STK24: variants seen among roughly 807,000 people sequenced by gnomAD.
The protein encoded by STK24 is serine/threonine kinase 24, also known as serine/threonine-protein kinase 24.
A neutral mutation model predicts 55.6 loss-of-function variants in STK24; 21 were observed. The observed-to-expected ratio is 0.38, with a 90% CI of 0.27 to 0.54. The LOEUF is 0.54. Ranked by LOEUF, STK24 falls within the 20% of genes least tolerant of loss-of-function variation. STK24 has a pLI of 0.79. For synonymous variants in STK24, 200 were observed against 215.2 expected (o/e 0.93, Z 0.62); for missense variants, 383 against 538.4 (o/e 0.71, Z 2.86).
chr13:98,538,147 C>T (rs892314895), intron 1 of STK24, among the ~76,000 whole-genome samples: 7 of 151,708 alleles, frequency 4.6e-5, no homozygotes, highest in African/African-American at 1.7e-4. Flanking sequence ...TTCCCAAGAA[C>T]CATGCTAAGC....
intron 1 of STK24, among the ~76,000 whole-genome samples, chr13:98,548,878 A>C (rs1340880243): frequency 1.3e-5 from 2 of 151,340 alleles, no homozygotes; most frequent in East Asian, 3.9e-4. Context: ...AAAAAAAAAA[A>C]AAAAAAAATA....
chr13:98,576,707 G>A (rs1294590256), intron 1 of STK24, 38 bp downstream of exon 1: 5 of 1,451,406 alleles, frequency 3.4e-6, no homozygotes, highest in Admixed American at 2.4e-5. Flanking sequence ...CTTCCGCCCC[G>A]GTCGCGCATC....
Position 98,446,335 on chromosome 13 carries a change from G to A in STK24, c.*6838C>T. On this transcript the variant is annotated 3_prime_UTR_variant, in exon 11 of 11. Coordinates refer to ENST00000539966, the MANE Select transcript of STK24 (RefSeq NM_001032296.4). ...GTGTCACGGGGATGACAGGGATGCT[G>A]GCGGGGGGCCCTGTCCACCCGAGGC... is the stretch of plus-strand genomic sequence containing the variant. The A allele has an allele frequency of 1.5e-6, 1 of 648,368 alleles. No homozygotes were observed. 40.2% of individuals were successfully genotyped at this position (648,368 alleles called of 1,614,324 possible).
intron 1 of STK24, among the ~76,000 whole-genome samples, chr13:98,550,037 C>T (rs1401972282): frequency 6.6e-6 from 1 of 152,174 alleles, no homozygotes; most frequent in African/African-American, 2.4e-5. Flanking sequence ...ACAGGTGGGT[C>T]GTCTGCAGCA....
At chr13:98,474,748 C>G in intron 5 of STK24, 73 bp downstream of exon 5, 1 of 1,513,842 alleles carries the variant, frequency 6.6e-7, no homozygotes, top group Non-Finnish European at 8.8e-7. Flanking sequence ...AGAAAAGCTA[C>G]CAGGCTAAAG....
chr13:98,537,779 G>A (rs74542643), intron 1 of STK24, among the ~76,000 whole-genome samples: 3,928 of 152,170 alleles, frequency 0.026, 69 homozygotes, highest in South Asian at 0.081. Context: ...TGCCTGAATC[G>A]AATCCCCAGC....
chr13:98,521,674 C>T (rs566090746), intron 1 of STK24: 2 of 692,338 alleles, frequency 2.9e-6, no homozygotes, highest in African/African-American at 1.7e-5. Flanking sequence ...GAGCAGCTTT[C>T]GGGGATGCGG....
In STK24 at chr13:98,528,672, G is replaced by C. The variant is rs114516984; in HGVS notation, c.43-9199C>G. Among the ~76,000 whole-genome samples the C allele has an allele frequency of 2.4e-3, 360 of 152,114 alleles. 3 individuals are homozygous for C. Among genetic ancestry groups the C allele is most frequent in the African/African-American group, 8.2e-3 (342 of 41,496 alleles). ...TGAATAGCTGTCATCATCTTCTTTT[G>C]ATCATTTCTGGCAATGAAAAATGCA... On this transcript the variant is annotated intron_variant, in intron 1 of 10. Transcript: ENST00000539966.
intron 1 of STK24, among the ~76,000 whole-genome samples, chr13:98,537,337 GT>G (rs1896763377): frequency 6.6e-6 from 1 of 152,214 alleles, no homozygotes; most frequent in Admixed American, 6.5e-5. Context: ...CCTGGATGGC[GT>G]TACCCTATGG....
At chr13:98,567,408 CA>C (rs1897614505) in intron 1 of STK24, among the ~76,000 whole-genome samples, 1 of 152,200 alleles carries the variant, frequency 6.6e-6, no homozygotes, top group East Asian at 1.9e-4. Flanking sequence ...AATTCTGGAC[CA>C]GGGGGTTGGA....
chr13:98,465,356 G>A (rs1893887573), intron 6 of STK24, among the ~76,000 whole-genome samples: 1 of 152,264 alleles, frequency 6.6e-6, no homozygotes, highest in Non-Finnish European at 1.5e-5. Context: ...CTCGGTAGCT[G>A]TGGGGTGGAG....
chr13:98,461,968 G>A, intron 7 of STK24, 71 bp from the exon 8 acceptor site: 1 of 1,586,618 alleles, frequency 6.3e-7, no homozygotes, highest in Non-Finnish European at 8.6e-7. Context: ...GACGTTCAGG[G>A]GGAGGCCGCC....
At chr13:98,515,434 C>CT (rs1295610971) in intron 2 of STK24, among the ~76,000 whole-genome samples, 1 of 151,784 alleles carries the variant, frequency 6.6e-6, no homozygotes, top group African/African-American at 2.4e-5. Flanking sequence ...AAAGTAAACA[C>CT]TGAAACTACA....
At chr13:98,457,062 T>C in intron 10 of STK24, 106 bp downstream of exon 10, 4 of 1,385,362 alleles carry the variant, frequency 2.9e-6, no homozygotes, top group South Asian at 1.4e-5. Flanking sequence ...GCCTGCAAGA[T>C]AACAGGAACA....
chr13:98,543,512 G>C (rs1366934618), intron 1 of STK24, among the ~76,000 whole-genome samples: 1 of 152,302 alleles, frequency 6.6e-6, no homozygotes, highest in South Asian at 2.1e-4. Flanking sequence ...AGGTCAAACA[G>C]CTGGTCTCCA....
chr13:98,460,878 A>T (rs1004661392), intron 8 of STK24, among the ~76,000 whole-genome samples: 2 of 98,034 alleles, frequency 2.0e-5, no homozygotes, highest in Admixed American at 9.6e-5. Context: ...TGTTTCTATT[A>T]AAAAAAAAAA....
At chr13:98,504,670 G>A (rs904706699) in intron 2 of STK24, among the ~76,000 whole-genome samples, 2 of 152,162 alleles carry the variant, frequency 1.3e-5, no homozygotes, top group African/African-American at 2.4e-5. Context: ...CACTATCTCA[G>A]GGGAACTCCC....
intron 1 of STK24, among the ~76,000 whole-genome samples, chr13:98,557,545 C>CT (rs1897312647): frequency 1.3e-5 from 2 of 152,230 alleles, no homozygotes; most frequent in Non-Finnish European, 2.9e-5. Flanking sequence ...CTGGCATCAG[C>CT]TTTTACCTGG....
chr13:98,467,681 A>T (rs1402514073), intron 5 of STK24, among the ~76,000 whole-genome samples: 2 of 152,124 alleles, frequency 1.3e-5, no homozygotes, highest in Non-Finnish European at 2.9e-5. Flanking sequence ...CCACTAGGAC[A>T]TCTCAGGTCC....
Sources: allele counts gnomAD v4.1 joint callset (sites outside exome capture counted in the v4.1 genomes callset), GRCh38; gene constraint gnomAD v4.1.1; transcripts MANE v1.5; gene names NCBI Gene and HGNC (gene_info 2026-07-23, HGNC 2026-07-21).